The following SH3D19 variants were observed in gnomAD, a reference collection of about 807,000 sequenced individuals.
The protein encoded by SH3D19 is SH3 domain containing 19, also known as SH3 domain-containing protein 19.
SH3D19 carries 58 observed loss-of-function variants against 112.1 expected under a neutral mutation model. The ratio of observed to expected loss-of-function variants is 0.52; its 90% CI spans 0.42 to 0.64. The LOEUF is 0.64. Ranked by LOEUF, SH3D19 falls within the 30% of genes least tolerant of loss-of-function variation. The pLI is 0.00. For synonymous variants in SH3D19, 391 were observed against 448.5 expected (o/e 0.87, Z 1.62); for missense variants, 1,090 against 1,263.4 (o/e 0.86, Z 2.08).
intron 7 of SH3D19, chr4:151,166,389 T>C (rs1758029763): frequency 6.6e-6 from 1 of 152,138 alleles, no homozygotes; most frequent in Admixed American, 6.5e-5. Context: ...ATGGACAGTA[T>C]ATACTTAGGA....
intron 1 of SH3D19, among the ~76,000 whole-genome samples, chr4:151,227,212 A>G (rs1380358162): frequency 1.3e-5 from 2 of 152,238 alleles, no homozygotes; most frequent in African/African-American, 4.8e-5. Flanking sequence ...AGAACAGAAT[A>G]AGAGGATTAT....
intron 2 of SH3D19, among the ~76,000 whole-genome samples, chr4:151,207,509 TG>T (rs1162615008): frequency 6.6e-6 from 1 of 152,204 alleles, no homozygotes; most frequent in Non-Finnish European, 1.5e-5. Context: ...GATCACTGTG[TG>T]GAAAAATTAG....
At chr4:151,248,298 G>C (rs1192704204) in intron 1 of SH3D19, among the ~76,000 whole-genome samples, 1 of 151,980 alleles carries the variant, frequency 6.6e-6, no homozygotes, top group East Asian at 1.9e-4. Context: ...TTCCTAATGA[G>C]AGTTTAGGAA....
Position 151,291,216 on chromosome 4 carries a change from A to G in SH3D19, c.112+34025T>C, listed in dbSNP as rs1459278416. 3 of 1,613,352 alleles carry G rather than the reference A, an allele frequency of 1.9e-6. No homozygotes were observed. The African/African-American group carries it at 4.0e-5, about 22-fold the overall frequency. ...TAGAATGTGGTAAATCTCTTCCTGG[A>G]GTCTACACCAATGTAATCTACTACC... is the stretch of plus-strand genomic sequence containing the variant. On this transcript the variant is annotated intron_variant, in intron 1 of 19. Coordinates refer to ENST00000604030, the MANE Select transcript of SH3D19 (RefSeq NM_001378122.1).
intron 4 of SH3D19, among the ~76,000 whole-genome samples, chr4:151,177,389 G>A (rs1760113648): frequency 6.6e-6 from 1 of 152,152 alleles, no homozygotes; most frequent in Non-Finnish European, 1.5e-5. Flanking sequence ...GCCCAGGCTG[G>A]AGTGCAGTGG....
intron 1 of SH3D19, among the ~76,000 whole-genome samples, chr4:151,288,175 C>T (rs973723929): frequency 3.9e-5 from 6 of 152,044 alleles, no homozygotes; most frequent in Non-Finnish European, 7.4e-5. Context: ...TAAAATACTT[C>T]GTGGTAAAAT....
intron 1 of SH3D19, among the ~76,000 whole-genome samples, chr4:151,311,922 C>A (rs141061792): frequency 3.5e-4 from 54 of 152,180 alleles, no homozygotes; most frequent in Non-Finnish European, 7.4e-5. Flanking sequence ...ATTCAAAGGT[C>A]TAAACTTTTA....
rs182071375 is a variant in SH3D19, at chr4:151,229,020, C to T, written c.113-2934G>A. Among the ~76,000 whole-genome samples, 501 of 146,582 alleles carry T rather than the reference C, an allele frequency of 3.4e-3. 4 individuals carry two copies. Among genetic ancestry groups the T allele is most frequent in the African/African-American group, 0.012 (469 of 40,482 alleles). On this transcript the variant is annotated intron_variant, in intron 1 of 19. Coordinates refer to ENST00000604030, the MANE Select transcript of SH3D19 (RefSeq NM_001378122.1). ...TTAGGATTACAGGCACATGCCACCA[C>T]GCCTAGCTAATTAAATTTTTTTTTT...
intron 1 of SH3D19, among the ~76,000 whole-genome samples, chr4:151,301,772 A>G (rs1728454850): frequency 6.6e-6 from 1 of 152,148 alleles, no homozygotes; most frequent in South Asian, 2.1e-4. Context: ...CCAATACAAT[A>G]AGTTAAAGAT....
At chr4:151,172,207 T>C (rs1759178311) in intron 7 of SH3D19, among the ~76,000 whole-genome samples, 1 of 152,156 alleles carries the variant, frequency 6.6e-6, no homozygotes, top group Admixed American at 6.5e-5. Context: ...TTATTTACAA[T>C]GACAATGCTA....
rs374882479 is a variant in SH3D19, at chr4:151,234,766, T to TTTTTTTTG, written c.113-8681_113-8680insCAAAAAAA. On this transcript the variant is annotated intron_variant, in intron 1 of 19. Transcript: ENST00000604030. Reference sequence around the variant, plus strand: ...TTTTTTTTTTTTTTTTTTTTTTTTTTAGACAGGGGCTCACTCCGTCACTCA... The same window carrying TTTTTTTTG: ...TTTTTTTTTTTTTTTTTTTTTTTTTTTTTTTTTGAGACAGGGGCTCACTCCGTCACTCA... Among the ~76,000 whole-genome samples the TTTTTTTTG allele has an allele frequency of 1.8e-4, 16 of 87,150 alleles. 2 individuals carry two copies. Among genetic ancestry groups the TTTTTTTTG allele is most frequent in the African/African-American group, 8.2e-4 (16 of 19,510 alleles). 57.2% of individuals were successfully genotyped at this position (87,150 alleles called of 152,430 possible).
chr4:151,270,569 C>T (rs1385170480), intron 1 of SH3D19, among the ~76,000 whole-genome samples: 3 of 152,132 alleles, frequency 2.0e-5, no homozygotes, highest in African/African-American at 7.2e-5. Context: ...TGGCCTGCCA[C>T]ATATGTACTG....
At chr4:151,192,751 G>T (rs1367666616) in intron 2 of SH3D19, among the ~76,000 whole-genome samples, 1 of 152,116 alleles carries the variant, frequency 6.6e-6, no homozygotes, top group African/African-American at 2.4e-5. Context: ...ACAGACCTCT[G>T]TTCCTTTAGG....
chr4:151,267,171 AATAAATAAAAT>A (rs1270160632), intron 1 of SH3D19, among the ~76,000 whole-genome samples: 2 of 39,750 alleles, frequency 5.0e-5, no homozygotes, highest in South Asian at 1.1e-3. Flanking sequence ...AAAAAAAAAA[AATAAATAAAAT>A]AAATTAGTCT....
chr4:151,279,890 C>T, intron 1 of SH3D19: 1 of 1,613,832 alleles, frequency 6.2e-7, no homozygotes, highest in Non-Finnish European at 8.5e-7. Flanking sequence ...ACTTTGACCA[C>T]AACTTTATCT....
At chr4:151,244,795 T>C (rs993093226) in intron 1 of SH3D19, among the ~76,000 whole-genome samples, 13 of 152,202 alleles carry the variant, frequency 8.5e-5, no homozygotes, top group Non-Finnish European at 1.9e-4. Flanking sequence ...CTCTAAAACA[T>C]AGCCATAGCA....
Position 151,127,619 on chromosome 4 carries a change from T to C in SH3D19, c.3026A>G (p.Lys1009Arg). 6.3e-7 allele frequency: 1 copy of C among 1,587,632 alleles called. No individual in the cohort carries two copies. The highest frequency in any genetic ancestry group is 8.6e-7 in the Non-Finnish European group (1 of 1,167,078). ...RGENEDELSF[K>R]AGDIITELES... is the part of the protein sequence containing the mutation. ...TTATGAAGAGATACACATTCTGACC[T>C]TGAAGGAAAGTTCATCTTCATTCTC... The change falls in exon 19 of 20, where the codon AAG (lysine) becomes AGG (arginine). Residue 1009 changes from lysine to arginine, a missense_variant and splice_region_variant. Lys to Arg is a conservative substitution (Grantham distance 26). Coordinates refer to ENST00000604030, the MANE Select transcript of SH3D19 (RefSeq NM_001378122.1).
intron 1 of SH3D19, among the ~76,000 whole-genome samples, chr4:151,320,061 G>T (rs1730385249): frequency 6.6e-6 from 1 of 152,138 alleles, no homozygotes; most frequent in Admixed American, 6.5e-5. Context: ...TACCTCACAG[G>T]TGATAACATA....
intron 1 of SH3D19, among the ~76,000 whole-genome samples, chr4:151,256,267 T>A (rs1771908876): frequency 6.6e-6 from 1 of 152,192 alleles, no homozygotes; most frequent in Non-Finnish European, 1.5e-5. Flanking sequence ...TCTGGAACTA[T>A]CCTTCCCACA....
Sources: gnomAD v4.1 joint callset for allele counts (sites outside exome capture counted in the v4.1 genomes callset) on GRCh38, gnomAD v4.1.1 for gene constraint, MANE v1.5 for transcripts, NCBI Gene and HGNC (gene_info 2026-07-23, HGNC 2026-07-21) for gene names.